Variants in CMIP observed in about 807,000 individuals in gnomAD.
CMIP encodes the protein C-Maf-inducing protein.
A neutral mutation model predicts 97.3 loss-of-function variants in CMIP; 13 were observed. That is an observed-to-expected ratio of 0.13 (90% CI 0.09 to 0.21). The LOEUF (loss-of-function observed/expected upper bound fraction) is 0.21. CMIP is among the 10% of genes least tolerant of loss of function. The pLI is 1.00. For missense variants in CMIP, 847 were observed against 1,024.9 expected, an observed-to-expected ratio of 0.83 and a Z score of 2.37; for synonymous variants, 538 against 436.3, an observed-to-expected ratio of 1.23 and a Z score of -2.91.
intron 7 of CMIP, 110 bp from the exon 8 acceptor site, chr16:81,670,032 A>C: frequency 5.8e-6 from 6 of 1,030,694 alleles, no homozygotes; most frequent in Non-Finnish European, 8.5e-6. Context: ...CTTCCACATC[A>C]ACAGCTCCAG....
intron 3 of CMIP, among the ~76,000 whole-genome samples, chr16:81,641,362 A>T (rs2092304821): frequency 6.6e-6 from 1 of 151,754 alleles, no homozygotes; most frequent in African/African-American, 2.4e-5. Flanking sequence ...AACAGATGAG[A>T]TGTCATCCCT....
intron 1 of CMIP, among the ~76,000 whole-genome samples, chr16:81,523,772 A>G (rs1290383246): frequency 6.6e-6 from 1 of 152,232 alleles, no homozygotes; most frequent in Non-Finnish European, 1.5e-5. Flanking sequence ...TCCCCCAGGA[A>G]GAAGGTGAGC....
At chr16:81,615,417 T>TGTGC (rs2091901569) in intron 2 of CMIP, among the ~76,000 whole-genome samples, 2 of 144,520 alleles carry the variant, frequency 1.4e-5, no homozygotes, top group East Asian at 4.2e-4. Context: ...TGTGTGTGTG[T>TGTGC]GTGCGTGGTG....
At chr16:81,619,166 G>C (rs531310341) in intron 2 of CMIP, 17 of 152,326 alleles carry the variant, frequency 1.1e-4, no homozygotes, top group African/African-American at 3.6e-4. Context: ...TCACACGGAG[G>C]GCTTGCCTCC....
rs13331802 is a variant in CMIP, at chr16:81,627,476, A to G, written c.477+6550A>G. On this transcript the variant is annotated intron_variant, in intron 3 of 20. Transcript: ENST00000537098. The surrounding 1 kb of genome is among the most constrained non-coding windows in gnomAD (Gnocchi z 4.6). ...CAAGTGGGTCCGACATGGTGGGAGC[A>G]GCTGGCTCGGCCTGTCTCCCTGGCA... Among the ~76,000 whole-genome samples, 387 of 150,212 alleles carry G rather than the reference A, an allele frequency of 2.6e-3. 2 individuals carry two copies. The highest frequency in any genetic ancestry group is 8.7e-3 in the African/African-American group (358 of 41,220).
intron 10 of CMIP, among the ~76,000 whole-genome samples, chr16:81,685,462 G>T (rs1343498699): frequency 6.6e-6 from 1 of 152,158 alleles, no homozygotes; most frequent in Admixed American, 6.6e-5. Context: ...CTGATTGTGG[G>T]TGATTTCAAA....
At position 81,626,604 on chromosome 16, in the gene CMIP, G is replaced by A. The variant is rs1198666150; in HGVS notation, c.477+5678G>A. ...GTGTGTGAGTGGTGTGTGGGGTGACGGTGTGCGTGTGTGTGTGGTGTGTGG... is the reference window on the plus strand; with the variant it reads ...GTGTGTGAGTGGTGTGTGGGGTGACAGTGTGCGTGTGTGTGTGGTGTGTGG... On this transcript the variant is annotated intron_variant, in intron 3 of 20. Transcript: ENST00000537098. Among the ~76,000 whole-genome samples, 7 of 138,356 alleles carry A rather than the reference G, an allele frequency of 5.1e-5. 1 individual carries two copies. The highest frequency in any genetic ancestry group is 2.2e-4 in the Admixed American group (3 of 13,924). The allele number at this position is 138,356 out of a possible 152,430, so 90.8% of individuals were successfully genotyped here.
chr16:81,698,360 A>G (rs952885432), intron 14 of CMIP, among the ~76,000 whole-genome samples: 1 of 152,216 alleles, frequency 6.6e-6, no homozygotes. Context: ...CGCCCAACAC[A>G]TAACCCAAGA....
chr16:81,472,242 G>A (rs1037959512), intron 1 of CMIP, among the ~76,000 whole-genome samples: 8 of 152,248 alleles, frequency 5.3e-5, no homozygotes, highest in African/African-American at 9.6e-5. Flanking sequence ...CAGTTTCCTC[G>A]TCTATAAGAT....
intron 13 of CMIP, among the ~76,000 whole-genome samples, chr16:81,694,874 A>G (rs1906525244): frequency 6.6e-6 from 1 of 152,230 alleles, no homozygotes; most frequent in Non-Finnish European, 1.5e-5. Flanking sequence ...TGGAGGGAAA[A>G]AGGAGAAACG....
intron 10 of CMIP, among the ~76,000 whole-genome samples, chr16:81,681,342 A>G (rs1326445516): frequency 6.6e-6 from 1 of 152,236 alleles, no homozygotes; most frequent in Non-Finnish European, 1.5e-5. Context: ...AAGGGCTCCA[A>G]AGTGAGATAC....
At chr16:81,709,634 T>TA in intron 20 of CMIP, 112 bp from the exon 21 acceptor site, 1 of 1,191,776 alleles carries the variant, frequency 8.4e-7, no homozygotes, top group East Asian at 2.5e-5. Flanking sequence ...AGCACCAAGG[T>TA]GGGGAGAGGG....
At chr16:81,446,119 T>G (rs906966990) in intron 1 of CMIP, among the ~76,000 whole-genome samples, 1 of 151,936 alleles carries the variant, frequency 6.6e-6, no homozygotes, top group Admixed American at 6.6e-5. Context: ...GAAAATCTCA[T>G]TCGCACATTG....
intron 1 of CMIP, among the ~76,000 whole-genome samples, chr16:81,456,872 C>T (rs1339518873): frequency 6.6e-6 from 1 of 152,194 alleles, no homozygotes. Context: ...TGCACTGGGG[C>T]CCCTTCCGGG....
intron 1 of CMIP, among the ~76,000 whole-genome samples, chr16:81,582,817 C>T (rs544222574): frequency 3.3e-5 from 5 of 152,140 alleles, no homozygotes; most frequent in African/African-American, 9.6e-5. Context: ...GAGCGGAATG[C>T]CCAACAGCAC....
intron 10 of CMIP, among the ~76,000 whole-genome samples, chr16:81,690,294 A>G (rs1385181745): frequency 2.0e-5 from 3 of 152,204 alleles, no homozygotes; most frequent in Non-Finnish European, 4.4e-5. Context: ...TGAGCATGGA[A>G]TGTTCTTCCA....
At chr16:81,701,853 C>G (rs907020702) in intron 16 of CMIP, 53 bp downstream of exon 16, 23 of 1,604,496 alleles carry the variant, frequency 1.4e-5, no homozygotes, top group Non-Finnish European at 1.9e-5. Flanking sequence ...CCAGGGGGGG[C>G]CAGGGCGGGA....
At chr16:81,698,179 C>A (rs1451797598) in intron 14 of CMIP, 1 of 152,262 alleles carries the variant, frequency 6.6e-6, no homozygotes, top group African/African-American at 2.4e-5. Flanking sequence ...CATGGAGATG[C>A]ATGGCTTGGA....
intron 2 of CMIP, among the ~76,000 whole-genome samples, chr16:81,613,459 C>A (rs763301185): frequency 2.6e-5 from 4 of 152,188 alleles, no homozygotes; most frequent in Admixed American, 6.5e-5. Flanking sequence ...GCCATGGAAC[C>A]CTAGGTTTTA....
Sources: gnomAD v4.1 joint callset for allele counts (sites outside exome capture counted in the v4.1 genomes callset) on GRCh38, gnomAD v4.1.1 for gene constraint, Gnocchi (gnomAD v3.1) non-coding constraint, MANE v1.5 for transcripts, NCBI Gene and HGNC (gene_info 2026-07-23, HGNC 2026-07-21) for gene names.